Variants in PLEKHH2 observed in about 807,000 individuals in gnomAD.
PLEKHH2 encodes pleckstrin homology, MyTH4 and FERM domain containing H2.
PLEKHH2 carries 129 observed loss-of-function variants against 187.9 expected under a neutral mutation model. That is an observed-to-expected ratio of 0.69 (90% CI 0.59 to 0.79). The LOEUF is 0.79. Ranked by LOEUF, PLEKHH2 falls within the 30% of genes least tolerant of loss-of-function variation. The pLI, the probability that PLEKHH2 is intolerant of heterozygous loss-of-function variation, is 0.00. For missense variants in PLEKHH2, 2,076 were observed against 1,751.2 expected, an observed-to-expected ratio of 1.19 and a Z score of -3.31; for synonymous variants, 686 against 605.6, an observed-to-expected ratio of 1.13 and a Z score of -1.95.
intron 14 of PLEKHH2, chr2:43,711,081 C>T: frequency 1.0e-6 from 1 of 986,376 alleles, no homozygotes; most frequent in Non-Finnish European, 1.2e-6. Context: ...AGCTGCTGCC[C>T]ATTTTACTCA....
intron 2 of PLEKHH2, among the ~76,000 whole-genome samples, chr2:43,670,607 T>G (rs1558450726): frequency 7.0e-6 from 1 of 142,154 alleles, no homozygotes; most frequent in Non-Finnish European, 1.6e-5. Flanking sequence ...TGATGTCAGG[T>G]ATTGTGAATA....
intron 2 of PLEKHH2, among the ~76,000 whole-genome samples, chr2:43,653,136 A>G (rs961305708): frequency 6.6e-6 from 1 of 152,184 alleles, no homozygotes. Context: ...ATGAAACAAT[A>G]CAAGAAAGTT....
rs966122396 is a variant in PLEKHH2, at chr2:43,740,978, C to G, written c.3156C>G (p.Leu1052=). 1.2e-6 allele frequency: 2 copies of G among 1,614,092 alleles called. No individual in the cohort carries two copies. The highest frequency in any genetic ancestry group is 1.7e-5 in the Admixed American group (1 of 60,022). Reference sequence around the variant, plus strand: ...AGCTCTTGGCACTCTGCGTTGGGCTCTTCCTTCCCCATCATCCTTTCCTGT... The same window carrying G: ...AGCTCTTGGCACTCTGCGTTGGGCTGTTCCTTCCCCATCATCCTTTCCTGT... ...GWQLLALCVG[L]FLPHHPFLWL... Residue 1052 remains leucine, a synonymous_variant, in exon 21 of 30, where the codon CTC becomes CTG. Coordinates refer to ENST00000282406, the MANE Select transcript of PLEKHH2 (RefSeq NM_172069.4).
chr2:43,649,321 A>C (rs947438503), intron 2 of PLEKHH2, among the ~76,000 whole-genome samples: 1 of 152,212 alleles, frequency 6.6e-6, no homozygotes, highest in African/African-American at 2.4e-5. Flanking sequence ...GTTGAAGTGA[A>C]ATGTTATTTC....
chr2:43,670,459 A>T (rs1412908473), intron 2 of PLEKHH2, among the ~76,000 whole-genome samples: 2 of 152,192 alleles, frequency 1.3e-5, no homozygotes, highest in Non-Finnish European at 2.9e-5. Context: ...AAGATAGAGT[A>T]AACCAATAAA....
chr2:43,722,958 A>G (rs1225020874), intron 16 of PLEKHH2, among the ~76,000 whole-genome samples: 1 of 152,196 alleles, frequency 6.6e-6, no homozygotes, highest in Non-Finnish European at 1.5e-5. Context: ...AATATTTCCA[A>G]AAGAATTTGC....
Position 43,740,947 on chromosome 2 carries a change from G to A in PLEKHH2, c.3125G>A (p.Gly1042Asp), listed in dbSNP as rs1254127279. The change falls in exon 21 of 30, where the codon GGC becomes GAC. Residue 1042 changes from glycine to aspartate, a missense_variant and splice_region_variant. Gly to Asp is a moderately conservative substitution (Grantham distance 94). Coordinates refer to ENST00000282406, the MANE Select transcript of PLEKHH2 (RefSeq NM_172069.4). ...QPQNQPGPLQ[G>D]WQLLALCVGL... ...CCTGTGGTGCTTCTCCCTGCCCAGG[G>A]CTGGCAGCTCTTGGCACTCTGCGTT... 6.2e-7 allele frequency: 1 copy of A among 1,613,444 alleles called. No homozygotes were observed. The highest frequency in any genetic ancestry group is 2.2e-5 in the East Asian group (1 of 44,864).
In PLEKHH2 at chr2:43,699,563, C is replaced by A. The variant is rs1669251941; in HGVS notation, c.689-84C>A. 6.1e-6 allele frequency: 9 copies of A among 1,475,962 alleles called. No homozygotes were observed. The Admixed American group carries it at 1.9e-4, about 31-fold the overall frequency. The allele number at this position is 1,475,962 out of a possible 1,614,324, so 91.4% of individuals were successfully genotyped here. On this transcript the variant is annotated intron_variant, in intron 7 of 29. Transcript: ENST00000282406. ...CAGCAAATTTCTACAGTGTCAATTT[C>A]TACAGTGTAGCTACATAAAGCTAAA...
intron 2 of PLEKHH2, among the ~76,000 whole-genome samples, chr2:43,659,881 T>A (rs998255067): frequency 5.3e-5 from 8 of 152,186 alleles, no homozygotes; most frequent in Admixed American, 2.0e-4. Flanking sequence ...TTTAAAAATT[T>A]TTTTTGGTCA....
intron 13 of PLEKHH2, 51 bp from the exon 14 acceptor site, chr2:43,710,438 T>C: frequency 6.3e-7 from 1 of 1,583,642 alleles, no homozygotes; most frequent in Non-Finnish European, 8.6e-7. Context: ...GCATTCCTTA[T>C]TATTACTGTT....
intron 8 of PLEKHH2, among the ~76,000 whole-genome samples, chr2:43,700,875 C>G (rs1289384456): frequency 6.6e-6 from 1 of 152,126 alleles, no homozygotes; most frequent in African/African-American, 2.4e-5. Flanking sequence ...GTCTTGAACT[C>G]CTGACCTCAA....
At chr2:43,703,087 A>G (rs1191712792) in intron 8 of PLEKHH2, among the ~76,000 whole-genome samples, 1 of 152,148 alleles carries the variant, frequency 6.6e-6, no homozygotes, top group African/African-American at 2.4e-5. Context: ...GCACTATTCA[A>G]TCGAAAATGT....
chr2:43,706,573 A>C (rs2104506060), intron 10 of PLEKHH2, among the ~76,000 whole-genome samples, 157 bp downstream of exon 10: 1 of 152,368 alleles, frequency 6.6e-6, no homozygotes, highest in African/African-American at 2.4e-5. Flanking sequence ...ATAAAAAAGA[A>C]GGAATGGAAA....
At chr2:43,693,555 T>C (rs1668929829) in intron 4 of PLEKHH2, among the ~76,000 whole-genome samples, 1 of 151,800 alleles carries the variant, frequency 6.6e-6, no homozygotes, top group African/African-American at 2.4e-5. Context: ...AAATCCCGTC[T>C]CTGCTAAAAG....
At chr2:43,654,450 C>T (rs1666643001) in intron 2 of PLEKHH2, among the ~76,000 whole-genome samples, 1 of 151,970 alleles carries the variant, frequency 6.6e-6, no homozygotes, top group Non-Finnish European at 1.5e-5. Context: ...CTGCCTCGGC[C>T]TCCCAAAGTG....
chr2:43,644,139 G>A (rs981868391), intron 1 of PLEKHH2, among the ~76,000 whole-genome samples: 6 of 151,606 alleles, frequency 4.0e-5, no homozygotes, highest in African/African-American at 1.5e-4. Flanking sequence ...GTGATGATAA[G>A]GAATCATTAT....
chr2:43,697,401 G>T (rs1160609938), intron 7 of PLEKHH2, 45 bp downstream of exon 7: 2 of 1,482,858 alleles, frequency 1.3e-6, no homozygotes, highest in Admixed American at 4.0e-5. Context: ...TTTTAAAAAG[G>T]AAGACTCATT....
chr2:43,640,924 C>T (rs1415455339), intron 1 of PLEKHH2, among the ~76,000 whole-genome samples: 1 of 149,952 alleles, frequency 6.7e-6, no homozygotes, highest in African/African-American at 2.5e-5. Flanking sequence ...GCTGGGACTA[C>T]AGGCCTGCAC....
intron 6 of PLEKHH2, among the ~76,000 whole-genome samples, chr2:43,696,314 A>G (rs1327553608): frequency 6.6e-6 from 1 of 151,986 alleles, no homozygotes; most frequent in African/African-American, 2.4e-5. Flanking sequence ...CGCTACAAAA[A>G]AAGTTTTTTT....
Sources: allele counts gnomAD v4.1 joint callset (sites outside exome capture counted in the v4.1 genomes callset), GRCh38; gene constraint gnomAD v4.1.1; transcripts MANE v1.5; gene names NCBI Gene and HGNC (gene_info 2026-07-23, HGNC 2026-07-21).